Variants in U2SURP observed in about 807,000 individuals in gnomAD.
U2SURP encodes the protein U2 snRNP-associated SURP motif-containing protein.
In U2SURP, 9 loss-of-function variants were observed where a neutral mutation model predicts 144.9. The observed-to-expected ratio is 0.06, with a 90% CI of 0.04 to 0.11. The LOEUF is 0.11. U2SURP is among the 10% of genes least tolerant of loss of function. The probability of loss-of-function intolerance (pLI) is 1.00; values close to 1 mark genes in which losing one functional copy is unlikely to be tolerated. For missense variants in U2SURP, 724 were observed against 1,226.7 expected, an observed-to-expected ratio of 0.59 and a Z score of 6.12; for synonymous variants, 408 against 396.8, an observed-to-expected ratio of 1.03 and a Z score of -0.33.
At chr3:143,002,622 T>A (rs1578100441) in intron 1 of U2SURP, among the ~76,000 whole-genome samples, 2 of 152,214 alleles carry the variant, frequency 1.3e-5, no homozygotes, top group African/African-American at 4.8e-5. Flanking sequence ...TGCTAGGGAC[T>A]GTTAAATCTT....
chr3:143,037,963 C>G (rs1185255587), intron 21 of U2SURP, 145 bp from the exon 22 acceptor site: 1 of 495,668 alleles, frequency 2.0e-6, no homozygotes, highest in Non-Finnish European at 3.5e-6. Flanking sequence ...TTGGTTTAGT[C>G]ATAGTCCTTG....
chr3:143,021,573 G>T lies in U2SURP; in HGVS notation c.852+18G>T. ...ATCCACAGGTAATATTAAGTAAGAT[G>T]AATGTTGATTGATATGCTTTATGCT... On this transcript the variant is annotated intron_variant, in intron 10 of 27. Coordinates refer to ENST00000473835, the MANE Select transcript of U2SURP (RefSeq NM_001080415.2). 1.9e-6 allele frequency: 3 copies of T among 1,598,350 alleles called. No individual in the cohort carries two copies. The highest frequency in any genetic ancestry group is 2.6e-6 in the Non-Finnish European group (3 of 1,168,254).
In U2SURP at chr3:143,056,504, G is replaced by C. The variant is rs1935159833; in HGVS notation, c.*54G>C. ...TGGAAATGCGATTTGTTTTGTGCCT[G>C]AACGGTCTGTTTTTTAAAAAAACAA... is the stretch of plus-strand genomic sequence containing the variant. On this transcript the variant is annotated 3_prime_UTR_variant, in exon 28 of 28. Coordinates refer to ENST00000473835, the MANE Select transcript of U2SURP (RefSeq NM_001080415.2). 6.3e-7 allele frequency: 1 copy of C among 1,577,708 alleles called. No homozygotes were observed. Among genetic ancestry groups the C allele is most frequent in the African/African-American group, 1.4e-5 (1 of 72,738 alleles).
intron 26 of U2SURP, among the ~76,000 whole-genome samples, chr3:143,054,693 AGTT>A (rs1935055288): frequency 6.6e-6 from 1 of 152,256 alleles, no homozygotes; most frequent in African/African-American, 2.4e-5. Context: ...AGATTTTGCC[AGTT>A]GTTTCAATAA....
intron 27 of U2SURP, 65 bp downstream of exon 27, chr3:143,055,184 G>C: frequency 7.4e-7 from 1 of 1,344,612 alleles, no homozygotes. Context: ...ATCAGCTTTT[G>C]AAAATAATTT....
At chr3:143,032,596 T>C (rs748357064) in intron 16 of U2SURP, among the ~76,000 whole-genome samples, 188 bp from the exon 17 acceptor site, 8 of 152,178 alleles carry the variant, frequency 5.3e-5, no homozygotes, top group Non-Finnish European at 1.2e-4. Flanking sequence ...TACAGAGTAT[T>C]CTTATATAAA....
At chr3:143,023,514 G>C (rs888935392) in intron 12 of U2SURP, 3 of 166,244 alleles carry the variant, frequency 1.8e-5, no homozygotes, top group African/African-American at 4.8e-5. Context: ...AAAAGCAAAG[G>C]GTGAGTATTT....
At chr3:143,025,137 A>T (rs1156950114) in intron 13 of U2SURP, among the ~76,000 whole-genome samples, 5 of 152,288 alleles carry the variant, frequency 3.3e-5, no homozygotes, top group African/African-American at 9.6e-5. Flanking sequence ...GAAACATTTT[A>T]AAAATACTTA....
intron 8 of U2SURP, 101 bp from the exon 9 acceptor site, chr3:143,021,247 CAG>C: frequency 7.7e-7 from 1 of 1,292,302 alleles, no homozygotes; most frequent in Non-Finnish European, 1.1e-6. Context: ...TTTTGTCTCT[CAG>C]AAATACCTTA....
chr3:143,001,771 C>T, intron 1 of U2SURP, 98 bp downstream of exon 1: 2 of 1,515,888 alleles, frequency 1.3e-6, no homozygotes, highest in East Asian at 2.4e-5. Context: ...GGATTGGGGT[C>T]TGCATTCTAG....
rs1043898 is a variant in U2SURP at position 143,057,309 on chromosome 3, C to T, written c.*859C>T. The T allele has an allele frequency of 0.68, 102,734 of 152,172 alleles. 34,895 individuals carry two copies. Among genetic ancestry groups the T allele is most frequent in the African/African-American group, 0.75 (31,196 of 41,420 alleles). The allele number at this position is 152,172 out of a possible 1,614,324, so 9.4% of individuals were successfully genotyped here. ...TGGCCATAGAATTCTCTTGTATGAT[C>T]GTTGACCTTTTATAATCTTCTGTAG... On this transcript the variant is annotated 3_prime_UTR_variant, in exon 28 of 28. Transcript: ENST00000473835.
chr3:143,013,826 G>A lies in U2SURP; in HGVS notation c.223-485G>A, dbSNP rs1051510462. 2.0e-4 allele frequency among the ~76,000 whole-genome samples: 31 copies of A among 151,970 alleles called. 1 individual carries two copies. The highest frequency in any genetic ancestry group is 5.9e-5 in the Non-Finnish European group (4 of 67,896). ...GTTCATAAATATCAGTATTATTGAC[G>A]AAGAATGAGGTAGTTTACCAAATTA... is the stretch of plus-strand genomic sequence containing the variant. On this transcript the variant is annotated intron_variant, in intron 3 of 27. Transcript: ENST00000473835.
At chr3:143,049,725 G>GT (rs1351363144) in intron 24 of U2SURP, among the ~76,000 whole-genome samples, 1 of 152,068 alleles carries the variant, frequency 6.6e-6, no homozygotes, top group Non-Finnish European at 1.5e-5. Flanking sequence ...ACTTTGTGAA[G>GT]TTTTTATTTT....
chr3:143,022,454 T>G, intron 10 of U2SURP, 43 bp from the exon 11 acceptor site: 1 of 1,433,210 alleles, frequency 7.0e-7, no homozygotes, highest in East Asian at 2.4e-5. Flanking sequence ...ATTTTTTCTT[T>G]TCCCTTTTTT....
chr3:143,040,126 A>G (rs1934029293), intron 23 of U2SURP, among the ~76,000 whole-genome samples: 1 of 151,810 alleles, frequency 6.6e-6, no homozygotes, highest in Non-Finnish European at 1.5e-5. Flanking sequence ...TAAAATAATT[A>G]TTTAATTTAG....
At chr3:143,035,949 T>C in intron 19 of U2SURP, 33 bp from the exon 20 acceptor site, 1 of 1,564,846 alleles carries the variant, frequency 6.4e-7, no homozygotes, top group South Asian at 1.2e-5. Context: ...TAGCCCAAAA[T>C]AAAAGTTTGT....
At chr3:143,021,885 T>C (rs1454181818) in intron 10 of U2SURP, among the ~76,000 whole-genome samples, 1 of 152,152 alleles carries the variant, frequency 6.6e-6, no homozygotes, top group Non-Finnish European at 1.5e-5. Flanking sequence ...TTTCTTCTCA[T>C]AGTAGTAAAC....
chr3:143,040,159 C>T (rs1934031338), intron 23 of U2SURP, among the ~76,000 whole-genome samples: 1 of 151,404 alleles, frequency 6.6e-6, no homozygotes, highest in South Asian at 2.1e-4. Flanking sequence ...GTAGAAAAGC[C>T]GTTGAACTGA....
chr3:143,026,512 G>A (rs1191446433), intron 13 of U2SURP: 2 of 152,122 alleles, frequency 1.3e-5, no homozygotes, highest in African/African-American at 4.8e-5. Context: ...CATGAATTGT[G>A]AACTAGTTTG....
Sources: gnomAD v4.1 joint callset for allele counts (sites outside exome capture counted in the v4.1 genomes callset) on GRCh38, gnomAD v4.1.1 for gene constraint, MANE v1.5 for transcripts, NCBI Gene and HGNC (gene_info 2026-07-23, HGNC 2026-07-21) for gene names.